The following MAP7D3 variants were observed in gnomAD, a reference collection of about 807,000 sequenced individuals.
The protein encoded by MAP7D3 is MAP7 domain containing 3.
A neutral mutation model predicts 62.2 loss-of-function variants in MAP7D3; 45 were observed. The observed-to-expected ratio is 0.72, with a 90% confidence interval of 0.57 to 0.93. The LOEUF (loss-of-function observed/expected upper bound fraction) is 0.93, where lower values mean the gene tolerates loss of function less well. Among genes scored for constraint, MAP7D3 ranks in the 40% least tolerant of loss-of-function variants. MAP7D3 has a pLI of 0.00. For missense variants in MAP7D3, 711 were observed against 683.1 expected (o/e 1.04, Z -0.45); for synonymous variants, 288 against 248.8 (o/e 1.16, Z -1.48).
At chrX:136,224,399 C>CA (rs775005222) in intron 14 of MAP7D3, among the ~76,000 whole-genome samples, 695 of 58,221 alleles carry the variant, frequency 0.012, 3 homozygotes, top group Non-Finnish European at 0.018. Context: ...GACTCTGTCT[C>CA]AAAAAAAAAA....
In MAP7D3 at chrX:136,230,921, G is replaced by A. The variant is rs1163218343; in HGVS notation, c.1459C>T (p.Arg487Cys). The A allele has an allele frequency of 4.2e-6, 5 of 1,196,965 alleles. No individual in the cohort carries two copies. The highest frequency in any genetic ancestry group is 4.5e-6 in the Non-Finnish European group (4 of 882,910). Residue 487 changes from arginine (R) to cysteine (C), a missense_variant, in exon 9 of 19, where the codon CGT becomes TGT. Physicochemically the swap from Arg to Cys is radical, Grantham distance 180. Transcript: ENST00000316077. Reference sequence around the variant, plus strand: ...TAACACTCAGTGTATGATGATAGACGCTTCTTGGCAATAGGGATTAAGGCC... The same window carrying A: ...TAACACTCAGTGTATGATGATAGACACTTCTTGGCAATAGGGATTAAGGCC... The part of the protein sequence containing the change: ...KQALIPIAKK[R>C]LSSYTECYKW...
intron 5 of MAP7D3, 100 bp downstream of exon 5, chrX:136,241,060 A>G: frequency 2.0e-6 from 1 of 495,012 alleles, no homozygotes; most frequent in East Asian, 4.1e-5. Flanking sequence ...TGTTTAGGAT[A>G]CAAACACTAA....
At chrX:136,227,518 T>C (rs1167529286) in intron 11 of MAP7D3, 87 bp from the exon 12 acceptor site, 2 of 602,553 alleles carry the variant, frequency 3.3e-6, no homozygotes, top group South Asian at 3.2e-5. Flanking sequence ...TGAAACTTCC[T>C]GTGTATAGTA....
At chrX:136,249,570 GTA>G (rs1183091901) in intron 1 of MAP7D3, among the ~76,000 whole-genome samples, 1 of 111,807 alleles carries the variant, frequency 8.9e-6, no homozygotes, top group Non-Finnish European at 1.9e-5. Flanking sequence ...ATATATACAT[GTA>G]TCTATTGCAT....
Position 136,231,031 on chromosome X carries a change from T to TC in MAP7D3, c.1414-66_1414-65insG, listed in dbSNP as rs1361974670. 3.3e-6 allele frequency: 3 copies of TC among 904,185 alleles called. No individual in the cohort carries two copies. The East Asian group carries it at 9.7e-5, about 29-fold the overall frequency. The allele number at this position is 904,185 out of a possible 1,213,427, so 74.5% of individuals were successfully genotyped here. ...AATTCTTTTACTGCAGCTGGCTTTT[T>TC]TTTTTTTTTTGAAGAGAAAAACATT... On this transcript the variant is annotated intron_variant, in intron 8 of 18. Transcript: ENST00000316077.
intron 1 of MAP7D3, among the ~76,000 whole-genome samples, chrX:136,248,590 T>C (rs2074473602): frequency 8.9e-6 from 1 of 112,574 alleles, no homozygotes; most frequent in South Asian, 3.6e-4. Context: ...GTAAAAGTTA[T>C]ATTTTGCCCA....
At chrX:136,253,047 G>T (rs1204960088), upstream of MAP7D3, among the ~76,000 whole-genome samples, 1 of 110,069 alleles carries the variant, frequency 9.1e-6, no homozygotes, top group Admixed American at 9.6e-5. Context: ...GCAGTGAGCC[G>T]AGAGCTGCCA....
upstream of MAP7D3, chrX:136,256,313 T>A: frequency 8.7e-7 from 1 of 1,155,505 alleles, no homozygotes; most frequent in Non-Finnish European, 1.1e-6. Flanking sequence ...CCTCGGGGGC[T>A]GGTCATGTCT....
intron 12 of MAP7D3, 110 bp downstream of exon 12, chrX:136,227,174 A>C: frequency 3.4e-6 from 2 of 589,819 alleles, no homozygotes; most frequent in Non-Finnish European, 2.6e-6. Context: ...AAATGCAGCC[A>C]GAGAATCTGC....
chrX:136,230,563 T>A lies in MAP7D3; in HGVS notation c.1572A>T (p.Ser524=). The A allele has an allele frequency of 8.4e-7, 1 of 1,196,974 alleles. No individual in the cohort carries two copies. The highest frequency in any genetic ancestry group is 1.1e-6 in the Non-Finnish European group (1 of 883,746). ...NRQIQKNCPP[S]PLPLISKQSP... The stretch of plus-strand genomic sequence containing the variant: ...ACTGTTTTGAAATAAGTGGTAATGG[T>A]GATGGAGGGCAGTTCTTTTGGATTT... The change falls in exon 10 of 19, where the codon TCA becomes TCT. Residue 524 remains serine, a synonymous_variant. Transcript: ENST00000316077.
intron 1 of MAP7D3, 86 bp from the exon 2 acceptor site, chrX:136,246,427 G>A: frequency 1.8e-6 from 1 of 568,505 alleles, no homozygotes; most frequent in Non-Finnish European, 2.9e-6. Context: ...AATTGTATTT[G>A]ATGATAAAGG....
chrX:136,235,220 C>T (rs1603280426), intron 7 of MAP7D3, among the ~76,000 whole-genome samples: 1 of 112,282 alleles, frequency 8.9e-6, no homozygotes, highest in East Asian at 2.8e-4. Context: ...AAGTCCACTG[C>T]CAAAGGCTCC....
chrX:136,245,678 C>T (rs762354958), intron 3 of MAP7D3, among the ~76,000 whole-genome samples: 1 of 110,058 alleles, frequency 9.1e-6, no homozygotes, highest in South Asian at 3.9e-4. Context: ...ACCCGGGAGG[C>T]GGAGGCTGCA....
downstream of MAP7D3, chrX:136,214,880 G>C (rs931163383): frequency 8.9e-6 from 1 of 111,877 alleles, no homozygotes; most frequent in African/African-American, 3.3e-5. Context: ...AGCTAGGTCA[G>C]TGTCCATCAC....
downstream of MAP7D3, chrX:136,213,516 T>A (rs1457491621): frequency 9.0e-6 from 1 of 110,884 alleles, no homozygotes; most frequent in Non-Finnish European, 1.9e-5. Flanking sequence ...ACGTAAAATT[T>A]CTACTTTGCA....
upstream of MAP7D3, among the ~76,000 whole-genome samples, chrX:136,255,750 C>T (rs964665921): frequency 5.4e-5 from 6 of 111,140 alleles, no homozygotes; most frequent in African/African-American, 2.0e-4. Flanking sequence ...CTCCTCTCCT[C>T]TCCTCCCCGT....
chrX:136,239,073 G>T (rs1453733196), intron 6 of MAP7D3, among the ~76,000 whole-genome samples: 1 of 112,067 alleles, frequency 8.9e-6, no homozygotes, highest in African/African-American at 3.2e-5. Context: ...TTAAGGGAAT[G>T]ATGTGGAATT....
chrX:136,228,939 ACAG>A (rs2074230580), intron 10 of MAP7D3, 181 bp from the exon 11 acceptor site: 1 of 279,696 alleles, frequency 3.6e-6, no homozygotes, highest in Non-Finnish European at 6.1e-6. Context: ...ACCCCCAACA[ACAG>A]CAGAAGCATT....
upstream of MAP7D3, chrX:136,256,166 C>A: frequency 9.0e-7 from 1 of 1,110,216 alleles, no homozygotes; most frequent in Non-Finnish European, 1.2e-6. Flanking sequence ...TCACTCTTGT[C>A]CTGCATCTGT....
Sources: gnomAD v4.1 joint callset for allele counts (sites outside exome capture counted in the v4.1 genomes callset) on GRCh38, gnomAD v4.1.1 for gene constraint, MANE v1.5 for transcripts, NCBI Gene and HGNC (gene_info 2026-07-23, HGNC 2026-07-21) for gene names.